TTC28: variants seen among roughly 807,000 people sequenced by gnomAD.
The protein encoded by TTC28 is tetratricopeptide repeat domain 28, also known as tetratricopeptide repeat protein 28.
A neutral mutation model predicts 198.0 loss-of-function variants in TTC28; 61 were observed. The observed-to-expected ratio is 0.31, with a 90% CI of 0.25 to 0.38. TTC28 has a LOEUF of 0.38. TTC28 is among the 10% of genes least tolerant of loss of function. TTC28 has a pLI of 1.00. For missense variants in TTC28, 2,678 were observed against 3,164.0 expected, an observed-to-expected ratio of 0.85 and a Z score of 3.69; for synonymous variants, 1,171 against 1,297.8, an observed-to-expected ratio of 0.90 and a Z score of 2.10.
At chr22:28,436,416 T>C (rs2047520756) in intron 2 of TTC28, among the ~76,000 whole-genome samples, 1 of 152,156 alleles carries the variant, frequency 6.6e-6, no homozygotes, top group Admixed American at 6.5e-5. Flanking sequence ...TATAAAAATA[T>C]AGTCAAAGGA....
At chr22:28,672,201 G>A (rs557772814) in intron 1 of TTC28, among the ~76,000 whole-genome samples, 6 of 151,300 alleles carry the variant, frequency 4.0e-5, no homozygotes, top group Non-Finnish European at 5.9e-5. Flanking sequence ...GTTTTGAGAC[G>A]GAGTCTTACT....
rs1211751921 is a variant in TTC28 at position 28,263,887 on chromosome 22, T to TA, written c.933+32310dup. Among the ~76,000 whole-genome samples the TA allele has an allele frequency of 3.9e-5, 6 of 152,208 alleles. No individual in the cohort carries two copies. The East Asian group carries it at 1.2e-3, about 29-fold the overall frequency. On this transcript the variant is annotated intron_variant, in intron 5 of 22. Transcript: ENST00000397906. ...GAGCTGGATCACAGAGGGCCATGGC[T>TA]AAAAAGTTTAGACTGATTCGTGGGT... is the stretch of plus-strand genomic sequence containing the variant.
intron 5 of TTC28, among the ~76,000 whole-genome samples, chr22:28,189,673 T>A (rs757554991): frequency 6.6e-6 from 1 of 151,968 alleles, no homozygotes; most frequent in Admixed American, 6.6e-5. Flanking sequence ...CAACAGTAAC[T>A]GAAAGGTAAA....
chr22:28,622,924 C>A (rs1416106550), intron 2 of TTC28, among the ~76,000 whole-genome samples: 3 of 151,818 alleles, frequency 2.0e-5, no homozygotes, highest in Non-Finnish European at 2.9e-5. Context: ...CGGGTTCAAG[C>A]GATTCTCCTG....
At chr22:28,406,276 G>C (rs2046996819) in intron 2 of TTC28, among the ~76,000 whole-genome samples, 1 of 152,232 alleles carries the variant, frequency 6.6e-6, no homozygotes, top group South Asian at 2.1e-4. Flanking sequence ...CTTTGTATTT[G>C]ATAGCAATAA....
chr22:28,298,603 C>T (rs1601596669), intron 3 of TTC28, among the ~76,000 whole-genome samples: 1 of 152,054 alleles, frequency 6.6e-6, no homozygotes, highest in African/African-American at 2.4e-5. Context: ...CACACACCAT[C>T]GTCTGTGGCT....
chr22:28,187,165 A>C (rs1924277421), intron 5 of TTC28, among the ~76,000 whole-genome samples: 1 of 152,166 alleles, frequency 6.6e-6, no homozygotes, highest in Non-Finnish European at 1.5e-5. Flanking sequence ...CAGAGGAACT[A>C]TCATTGAGCA....
chr22:28,479,222 A>G (rs892360081), intron 2 of TTC28, among the ~76,000 whole-genome samples: 6 of 152,242 alleles, frequency 3.9e-5, no homozygotes, highest in African/African-American at 1.4e-4. Context: ...AATGCAGAGT[A>G]GCAAGCTAAC....
chr22:28,386,274 C>CCAAAAAAAAAAAAAAA (rs2046588088), intron 2 of TTC28, among the ~76,000 whole-genome samples: 1 of 52,220 alleles, frequency 1.9e-5, no homozygotes, highest in African/African-American at 6.8e-5. Flanking sequence ...GACTCCGTCT[C>CCAAAAAAAAAAAAAAA]AAAAAAAAAA....
chr22:28,430,648 T>C (rs747524563), intron 2 of TTC28, among the ~76,000 whole-genome samples: 2 of 152,210 alleles, frequency 1.3e-5, no homozygotes, highest in Non-Finnish European at 2.9e-5. Flanking sequence ...ACAGCTGCTG[T>C]AGTATTTATA....
At chr22:28,294,706 T>A (rs1187910105) in intron 5 of TTC28, among the ~76,000 whole-genome samples, 1 of 152,032 alleles carries the variant, frequency 6.6e-6, no homozygotes, top group Non-Finnish European at 1.5e-5. Context: ...GTAGCTGGGA[T>A]TACAGGCACC....
At chr22:28,001,596 G>A in intron 14 of TTC28, 43 bp from the exon 15 acceptor site, 1 of 1,534,350 alleles carries the variant, frequency 6.5e-7, no homozygotes, top group South Asian at 1.2e-5. Flanking sequence ...TGGCCCAGCA[G>A]GCAGGGGTTT....
intron 2 of TTC28, among the ~76,000 whole-genome samples, chr22:28,407,384 C>A (rs1452168262): frequency 6.6e-6 from 1 of 152,104 alleles, no homozygotes; most frequent in African/African-American, 2.4e-5. Context: ...AGGCCTTTCC[C>A]CAACATGCTT....
intron 6 of TTC28, among the ~76,000 whole-genome samples, chr22:28,152,453 G>C (rs1479460648): frequency 6.6e-6 from 1 of 152,148 alleles, no homozygotes; most frequent in Admixed American, 6.5e-5. Flanking sequence ...CTTGTGGAAA[G>C]ATCTGTGGAC....
At chr22:28,574,510 T>C (rs2050115604) in intron 2 of TTC28, among the ~76,000 whole-genome samples, 1 of 152,186 alleles carries the variant, frequency 6.6e-6, no homozygotes, top group East Asian at 1.9e-4. Context: ...GTTTTTGATA[T>C]ACTGATTTCC....
intron 2 of TTC28, among the ~76,000 whole-genome samples, chr22:28,577,312 T>C (rs1296887369): frequency 6.6e-6 from 1 of 152,152 alleles, no homozygotes; most frequent in Non-Finnish European, 1.5e-5. Flanking sequence ...TCCAGTTTTA[T>C]TCCATTGTGC....
At chr22:28,199,383 TTATATATATATATATATATA>T (rs34398046) in intron 5 of TTC28, among the ~76,000 whole-genome samples, 55 of 118,500 alleles carry the variant, frequency 4.6e-4, no homozygotes, top group Admixed American at 9.7e-4. Flanking sequence ...ACATTAAAAA[TTATATATATATATATATATA>T]TATATATATA....
chr22:28,023,647 G>C (rs539415544), intron 13 of TTC28, among the ~76,000 whole-genome samples: 8 of 152,248 alleles, frequency 5.3e-5, no homozygotes, highest in Non-Finnish European at 1.2e-4. Context: ...AGCTGGATTA[G>C]TCAGAGTTGT....
intron 6 of TTC28, among the ~76,000 whole-genome samples, chr22:28,110,766 C>T (rs1569145100): frequency 6.6e-6 from 1 of 151,830 alleles, no homozygotes; most frequent in Non-Finnish European, 1.5e-5. Flanking sequence ...AAGACCTTGT[C>T]TCTACCAAAA....
Sources: gnomAD v4.1 joint callset for allele counts (sites outside exome capture counted in the v4.1 genomes callset) on GRCh38, gnomAD v4.1.1 for gene constraint, MANE v1.5 for transcripts, NCBI Gene and HGNC (gene_info 2026-07-23, HGNC 2026-07-21) for gene names.